The following HIVEP1 variants were observed in gnomAD, a reference collection of about 807,000 sequenced individuals.
The protein encoded by HIVEP1 is HIVEP zinc finger 1.
Under a neutral mutation model 180.0 loss-of-function variants are expected in HIVEP1, and 36 were observed. That is an observed-to-expected ratio of 0.20 (90% CI 0.15 to 0.26). The LOEUF (loss-of-function observed/expected upper bound fraction) is 0.26, where lower values mean the gene tolerates loss of function less well. Ranked by LOEUF, HIVEP1 falls within the 10% of genes least tolerant of loss-of-function variation. The probability of loss-of-function intolerance (pLI) is 1.00; values close to 1 mark genes in which losing one functional copy is unlikely to be tolerated. For missense variants in HIVEP1, 3,143 were observed against 3,268.7 expected (o/e 0.96, Z 0.94); for synonymous variants, 1,239 against 1,239.0 (o/e 1.00, Z 0.00).
At chr6:12,108,853 C>G (rs1774681514) in intron 3 of HIVEP1, among the ~76,000 whole-genome samples, 1 of 152,262 alleles carries the variant, frequency 6.6e-6, no homozygotes, top group African/African-American at 2.4e-5. Flanking sequence ...CAGCGGTGGG[C>G]TGAAGGGCTC....
Position 12,159,437 on chromosome 6 carries a change from A to C in HIVEP1, c.6488-2002A>C, listed in dbSNP as rs181039242. ...AATTTGCTACTGATGTGGCAAATTC[A>C]AGTCAAATTGAGGATGACTCGAATT... On this transcript the variant is annotated intron_variant, in intron 7 of 8. Coordinates refer to ENST00000379388, the MANE Select transcript of HIVEP1 (RefSeq NM_002114.4). Among the ~76,000 whole-genome samples the C allele has an allele frequency of 3.3e-5, 5 of 152,154 alleles. No individual in the cohort carries two copies. In the East Asian group the frequency reaches 9.6e-4, roughly 29 times the overall value.
Position 12,120,937 on chromosome 6 carries a change from CTGT to C in HIVEP1, c.1147_1149del (p.Val383del), listed in dbSNP as rs769373033. 2.5e-6 allele frequency: 4 copies of C among 1,614,040 alleles called. No homozygotes were observed. The African/African-American group carries it at 4.0e-5, about 16-fold the overall frequency. ...ATCTATAATTCAACTCATGTTGCCT[CTGT>C]TGTTAATCAAAGCGTAGAGCAAATG... is the stretch of plus-strand genomic sequence containing the variant. On this transcript the variant is annotated inframe_deletion, in exon 4 of 9. Coordinates refer to ENST00000379388, the MANE Select transcript of HIVEP1 (RefSeq NM_002114.4).
At chr6:12,099,282 C>T (rs1773965374) in intron 3 of HIVEP1, among the ~76,000 whole-genome samples, 2 of 151,580 alleles carry the variant, frequency 1.3e-5, no homozygotes, top group Admixed American at 1.3e-4. Flanking sequence ...ATTCTCCTGC[C>T]TCAGCCTCCC....
intron 2 of HIVEP1, among the ~76,000 whole-genome samples, chr6:12,017,910 G>A (rs966499103): frequency 3.9e-5 from 6 of 152,218 alleles, no homozygotes; most frequent in African/African-American, 1.4e-4. Context: ...AGCTGCCTGC[G>A]CCTTGTGCCT....
At chr6:12,158,584 T>C (rs775441797) in intron 7 of HIVEP1, among the ~76,000 whole-genome samples, 8 of 152,212 alleles carry the variant, frequency 5.3e-5, no homozygotes, top group Non-Finnish European at 1.2e-4. Context: ...TCTGTTCCGA[T>C]TGAGTTACAG....
chr6:12,171,473 C>T, the HIVEP1 span, among the ~76,000 whole-genome samples: 8 of 152,300 alleles, frequency 5.3e-5, 1 homozygote, highest in South Asian at 1.2e-3. Flanking sequence ...GACAAAAGAG[C>T]ACATTCTGAG....
chr6:12,038,680 C>G (rs372819293), intron 2 of HIVEP1: 1 of 148,148 alleles, frequency 6.8e-6, no homozygotes, highest in Non-Finnish European at 1.5e-5. Flanking sequence ...TCAACAACGA[C>G]AACAACAACA....
intron 2 of HIVEP1, among the ~76,000 whole-genome samples, chr6:12,027,282 G>A (rs1234621967): frequency 6.6e-6 from 1 of 152,214 alleles, no homozygotes; most frequent in Admixed American, 6.5e-5. Flanking sequence ...GGGGAACCTA[G>A]GTACTGCTTT....
In HIVEP1 at chr6:12,121,158, T is replaced by A; in HGVS notation, c.1363T>A (p.Ser455Thr). The change falls in exon 4 of 9, where the codon TCC (serine) becomes ACC (threonine). Residue 455 changes from serine (S) to threonine (T), a missense_variant. Ser to Thr is a moderately conservative substitution (Grantham distance 58). Transcript: ENST00000379388. The surrounding 1 kb of genome is among the most constrained non-coding windows in gnomAD (Gnocchi z 5.3). Reference protein sequence around the residue: ...TKSNLYKHKKSHAHTIKLGLV... With the variant: ...TKSNLYKHKKTHAHTIKLGLV... ...AAGTAATCTGTATAAGCACAAGAAA[T>A]CCCACGCACATACTATCAAACTGGG... is the stretch of plus-strand genomic sequence containing the variant. 1 of 1,614,052 alleles carries A rather than the reference T, an allele frequency of 6.2e-7. No individual in the cohort carries two copies.
At position 12,164,499 on chromosome 6, in the gene HIVEP1, A is replaced by G. The variant is rs1402638787; in HGVS notation, c.*38A>G. On this transcript the variant is annotated 3_prime_UTR_variant, in exon 9 of 9. Coordinates refer to ENST00000379388, the MANE Select transcript of HIVEP1 (RefSeq NM_002114.4). ...TTTATTTGCTTTTTTTTTATATAAC[A>G]CTTAAAGGTTTCTTTGAAAACCCTC... is the stretch of plus-strand genomic sequence containing the variant. 2.0e-6 allele frequency: 3 copies of G among 1,466,146 alleles called. No individual in the cohort carries two copies. Among genetic ancestry groups the G allele is most frequent in the African/African-American group, 1.4e-5 (1 of 70,492 alleles). 90.8% of individuals were successfully genotyped at this position (1,466,146 alleles called of 1,614,324 possible).
rs114106448 is a variant in HIVEP1, at chr6:12,163,093, G to A, written c.6979-190G>A. Among the ~76,000 whole-genome samples, 601 of 152,264 alleles carry A rather than the reference G, an allele frequency of 3.9e-3. 6 individuals are homozygous for A. The highest frequency in any genetic ancestry group is 0.013 in the African/African-American group (541 of 41,568). The stretch of plus-strand genomic sequence containing the variant: ...TTCTACCAGAAACGAAATTAAAGAT[G>A]TAATAATTGTTTAATTGGAAGCTTA... On this transcript the variant is annotated intron_variant, in intron 8 of 8. Transcript: ENST00000379388.
At chr6:12,034,358 A>T (rs1769143802) in intron 2 of HIVEP1, among the ~76,000 whole-genome samples, 1 of 152,218 alleles carries the variant, frequency 6.6e-6, no homozygotes, top group Admixed American at 6.5e-5. Context: ...ATTAAGTAAA[A>T]GTTTAGACCT....
chr6:12,108,599 G>A (rs1365741089), intron 3 of HIVEP1, among the ~76,000 whole-genome samples: 4 of 152,240 alleles, frequency 2.6e-5, no homozygotes, highest in Non-Finnish European at 5.9e-5. Flanking sequence ...ACTGCTGGGG[G>A]ACCCAGTACA....
intron 6 of HIVEP1, among the ~76,000 whole-genome samples, chr6:12,134,869 T>C (rs1317598968): frequency 6.6e-6 from 1 of 152,358 alleles, no homozygotes; most frequent in Non-Finnish European, 1.5e-5. Context: ...TTATACTCTG[T>C]ATGTGAAATG....
intron 2 of HIVEP1, among the ~76,000 whole-genome samples, chr6:12,020,890 C>CTTTCTTTTTTTTT (rs536583043): frequency 2.8e-5 from 3 of 105,778 alleles, no homozygotes; most frequent in African/African-American, 1.1e-4. Flanking sequence ...TTCTTTCTTT[C>CTTTCTTTTTTTTT]TTTTTTTTTT....
chr6:12,194,205 T>A, the HIVEP1 span, among the ~76,000 whole-genome samples: 1 of 152,234 alleles, frequency 6.6e-6, no homozygotes, highest in Non-Finnish European at 1.5e-5. Context: ...TAATGTTACC[T>A]ATTTCATTTA....
At chr6:12,078,006 T>TA (rs1052848585) in intron 2 of HIVEP1, among the ~76,000 whole-genome samples, 6 of 152,198 alleles carry the variant, frequency 3.9e-5, no homozygotes, top group Non-Finnish European at 7.3e-5. Context: ...CACAGAGAAT[T>TA]ACCAATTCTG....
chr6:12,068,534 A>C (rs1581619265), intron 2 of HIVEP1, among the ~76,000 whole-genome samples: 1 of 152,344 alleles, frequency 6.6e-6, no homozygotes, highest in East Asian at 1.9e-4. Flanking sequence ...GGAAACAGGC[A>C]TCAAATAAAT....
intron 2 of HIVEP1, among the ~76,000 whole-genome samples, chr6:12,043,354 A>ATTTTT (rs1581563417): frequency 7.1e-6 from 1 of 140,328 alleles, no homozygotes. Flanking sequence ...TCTAAGTGAA[A>ATTTTT]ATTTTTTTTT....
Sources: gnomAD v4.1 joint callset for allele counts (sites outside exome capture counted in the v4.1 genomes callset) on GRCh38, gnomAD v4.1.1 for gene constraint, Gnocchi (gnomAD v3.1) non-coding constraint, MANE v1.5 for transcripts, NCBI Gene and HGNC (gene_info 2026-07-23, HGNC 2026-07-21) for gene names.